Variants in STK32B observed in about 807,000 individuals in gnomAD.
The protein encoded by STK32B is serine/threonine-protein kinase 32B.
A neutral mutation model predicts 52.6 loss-of-function variants in STK32B; 43 were observed. The ratio of observed to expected loss-of-function variants is 0.82; its 90% CI spans 0.64 to 1.05. The LOEUF (loss-of-function observed/expected upper bound fraction) is 1.05. STK32B is among the 50% of genes least tolerant of loss of function. The probability of loss-of-function intolerance (pLI) is 0.00; values close to 1 mark genes in which losing one functional copy is unlikely to be tolerated. For synonymous variants in STK32B, 238 were observed against 204.3 expected (o/e 1.17, Z -1.41); for missense variants, 621 against 534.6 (o/e 1.16, Z -1.59).
At chr4:5,258,322 T>G (rs7687442) in intron 3 of STK32B, among the ~76,000 whole-genome samples, 19,269 of 152,138 alleles carry the variant, frequency 0.13, 3,078 homozygotes, top group African/African-American at 0.37. Flanking sequence ...GGTGATAATA[T>G]TTTGTGCCTC....
At chr4:5,112,334 G>A (rs1400760230) in intron 1 of STK32B, among the ~76,000 whole-genome samples, 1 of 152,150 alleles carries the variant, frequency 6.6e-6, no homozygotes, top group African/African-American at 2.4e-5. Context: ...ATGTATTCAG[G>A]AGACTAAGAC....
chr4:5,479,401 G>A (rs1052696948), intron 11 of STK32B, among the ~76,000 whole-genome samples: 3 of 152,174 alleles, frequency 2.0e-5, no homozygotes, highest in African/African-American at 7.2e-5. Context: ...TTACAGGCGT[G>A]AGCCACCATG....
At chr4:5,100,019 G>T (rs1239441145) in intron 1 of STK32B, among the ~76,000 whole-genome samples, 1 of 151,660 alleles carries the variant, frequency 6.6e-6, no homozygotes, top group African/African-American at 2.4e-5. Flanking sequence ...AAAAAACACT[G>T]AATAGGTCAA....
At chr4:5,302,516 T>G (rs931292033) in intron 3 of STK32B, among the ~76,000 whole-genome samples, 1 of 152,118 alleles carries the variant, frequency 6.6e-6, no homozygotes, top group Non-Finnish European at 1.5e-5. Flanking sequence ...GTACCAAAAT[T>G]TATTTTTCCC....
chr4:5,444,387 T>G (rs1251152048), intron 6 of STK32B, among the ~76,000 whole-genome samples: 1 of 152,206 alleles, frequency 6.6e-6, no homozygotes, highest in Non-Finnish European at 1.5e-5. Flanking sequence ...GTCACCCCTT[T>G]CTTTGACTCG....
chr4:5,048,454 G>A (rs879836425), upstream of STK32B, among the ~76,000 whole-genome samples: 72 of 152,184 alleles, frequency 4.7e-4, no homozygotes, highest in Non-Finnish European at 4.7e-4. Context: ...CTGCCACCAC[G>A]CTTGGCTAAT....
intron 6 of STK32B, among the ~76,000 whole-genome samples, chr4:5,434,747 C>T (rs1036105580): frequency 1.3e-5 from 2 of 152,162 alleles, no homozygotes; most frequent in African/African-American, 4.8e-5. Context: ...AGCACAGTCC[C>T]TAGCATCTAG....
At chr4:5,364,792 G>T (rs935037281) in intron 4 of STK32B, among the ~76,000 whole-genome samples, 1 of 152,108 alleles carries the variant, frequency 6.6e-6, no homozygotes, top group Non-Finnish European at 1.5e-5. Flanking sequence ...ATACCTTCAG[G>T]CCTCCATGTG....
chr4:5,175,204 A>G (rs187546125), intron 3 of STK32B, among the ~76,000 whole-genome samples: 1 of 150,864 alleles, frequency 6.6e-6, no homozygotes, highest in Non-Finnish European at 1.5e-5. Context: ...CCATTCGTCT[A>G]ATTTTTTTTT....
chr4:5,173,032 T>A (rs1421329300), intron 3 of STK32B, among the ~76,000 whole-genome samples: 1 of 152,236 alleles, frequency 6.6e-6, no homozygotes, highest in African/African-American at 2.4e-5. Context: ...CTTGATTTAG[T>A]CTTGGGAGAG....
chr4:5,071,946 C>G (rs1711805783), intron 1 of STK32B, among the ~76,000 whole-genome samples: 1 of 152,146 alleles, frequency 6.6e-6, no homozygotes, highest in Non-Finnish European at 1.5e-5. Context: ...CAAGATCAGG[C>G]CATGGCATGC....
chr4:5,108,613 T>G (rs916758321), intron 1 of STK32B, among the ~76,000 whole-genome samples: 2 of 152,244 alleles, frequency 1.3e-5, no homozygotes, highest in Non-Finnish European at 2.9e-5. Context: ...TGTGGCAATA[T>G]AGTTAATTTT....
At chr4:5,196,737 ATAAAAT>A (rs1296454175) in intron 3 of STK32B, among the ~76,000 whole-genome samples, 1 of 138,130 alleles carries the variant, frequency 7.2e-6, no homozygotes, top group Non-Finnish European at 1.5e-5. Flanking sequence ...ATAAAATAAA[ATAAAAT>A]AAAATAAAAT....
At chr4:5,476,054 C>G (rs1336921159) in intron 11 of STK32B, among the ~76,000 whole-genome samples, 1 of 151,752 alleles carries the variant, frequency 6.6e-6, no homozygotes, top group Non-Finnish European at 1.5e-5. Context: ...GCCACCACAC[C>G]CAGCTAATTT....
chr4:5,473,145 T>C (rs2109180146), intron 11 of STK32B, among the ~76,000 whole-genome samples: 1 of 152,358 alleles, frequency 6.6e-6, no homozygotes, highest in Non-Finnish European at 1.5e-5. Context: ...ATCTCCCGTC[T>C]CCTAGTTCCC....
chr4:5,290,610 T>A (rs1352125617), intron 3 of STK32B, among the ~76,000 whole-genome samples: 1 of 151,510 alleles, frequency 6.6e-6, no homozygotes, highest in Non-Finnish European at 1.5e-5. Flanking sequence ...TTACTTAATT[T>A]TTTTTAAAAT....
At chr4:5,383,590 T>C (rs1309012935) in intron 4 of STK32B, among the ~76,000 whole-genome samples, 1 of 152,150 alleles carries the variant, frequency 6.6e-6, no homozygotes, top group Admixed American at 6.5e-5. Flanking sequence ...CAGGGGCTTA[T>C]GGGAAATGGA....
chr4:5,132,186 T>G (rs926790393), intron 1 of STK32B, among the ~76,000 whole-genome samples: 1 of 152,252 alleles, frequency 6.6e-6, no homozygotes, highest in Non-Finnish European at 1.5e-5. Flanking sequence ...GATAGACATT[T>G]AGGTTGGTTC....
rs556500136 is a variant in STK32B at position 5,249,580 on chromosome 4, G to A, written c.260+81130G>A. Among the ~76,000 whole-genome samples the A allele has an allele frequency of 9.9e-5, 15 of 150,818 alleles. No homozygotes were observed. In the South Asian group the frequency reaches 2.5e-3, roughly 25 times the overall value. On this transcript the variant is annotated intron_variant, in intron 3 of 11. Coordinates refer to ENST00000282908, the MANE Select transcript of STK32B (RefSeq NM_018401.3). ...ATTATATAAGCATATGCAAGGGTTA[G>A]CAAAAACCCAAAGCATAATAGAACT...
Sources: allele counts gnomAD v4.1 joint callset (sites outside exome capture counted in the v4.1 genomes callset), GRCh38; gene constraint gnomAD v4.1.1; transcripts MANE v1.5; gene names NCBI Gene and HGNC (gene_info 2026-07-23, HGNC 2026-07-21).